The following EYA1 variants were observed in gnomAD, a reference collection of about 807,000 sequenced individuals.
EYA1 encodes protein phosphatase EYA1.
Under a neutral mutation model 82.0 loss-of-function variants are expected in EYA1, and 16 were observed. The ratio of observed to expected loss-of-function variants is 0.20; its 90% CI spans 0.13 to 0.30. The LOEUF (loss-of-function observed/expected upper bound fraction) is 0.30. Among genes scored for constraint, EYA1 ranks in the 10% least tolerant of loss-of-function variants. The pLI, the probability that EYA1 is intolerant of heterozygous loss-of-function variation, is 1.00. For missense variants in EYA1, 633 were observed against 730.7 expected, an observed-to-expected ratio of 0.87 and a Z score of 1.54; for synonymous variants, 261 against 264.4, an observed-to-expected ratio of 0.99 and a Z score of 0.12.
At chr8:71,223,569 G>T (rs1390480920) in intron 12 of EYA1, among the ~76,000 whole-genome samples, 2 of 152,216 alleles carry the variant, frequency 1.3e-5, no homozygotes, top group South Asian at 4.1e-4. Flanking sequence ...CAGTTCTGGT[G>T]TAGGTATAGG....
intron 11 of EYA1, among the ~76,000 whole-genome samples, chr8:71,262,675 T>A (rs1041770414): frequency 2.6e-5 from 4 of 152,196 alleles, no homozygotes; most frequent in Admixed American, 2.0e-4. Context: ...ACAGTAAGGC[T>A]GTGTTCCATT....
chr8:71,423,658 TTTAA>T (rs1586689091), intron 2 of EYA1, among the ~76,000 whole-genome samples: 1 of 152,246 alleles, frequency 6.6e-6, no homozygotes, highest in Non-Finnish European at 1.5e-5. Flanking sequence ...ACAAATGTTC[TTTAA>T]TTAATTTCAT....
At chr8:71,215,338 T>A in intron 16 of EYA1, 49 bp downstream of exon 16, 4 of 1,586,800 alleles carry the variant, frequency 2.5e-6, no homozygotes, top group Non-Finnish European at 3.5e-6. Context: ...GTTTTTATTA[T>A]CCTGAAGGAA....
At chr8:71,525,755 C>T (rs1351817070) in intron 2 of EYA1, among the ~76,000 whole-genome samples, 1 of 152,156 alleles carries the variant, frequency 6.6e-6, no homozygotes, top group Non-Finnish European at 1.5e-5. Flanking sequence ...AACCTCTGAG[C>T]TTGATCCTGG....
chr8:71,318,499 C>A (rs1461380682), intron 6 of EYA1, among the ~76,000 whole-genome samples: 1 of 152,104 alleles, frequency 6.6e-6, no homozygotes, highest in Non-Finnish European at 1.5e-5. Context: ...TCCCCAAACA[C>A]CAGGCTAACA....
At chr8:71,321,957 C>A (rs907036288) in intron 5 of EYA1, 78 bp from the exon 6 acceptor site, 10 of 1,567,648 alleles carry the variant, frequency 6.4e-6, no homozygotes, top group Non-Finnish European at 8.8e-6. Context: ...AACCACATCA[C>A]AAATTCCAGC....
chr8:71,500,510 ACT>A (rs1477140016), intron 2 of EYA1, among the ~76,000 whole-genome samples: 2 of 151,668 alleles, frequency 1.3e-5, no homozygotes, highest in African/African-American at 4.8e-5. Context: ...CCTCCTTTTG[ACT>A]CTCTATTTTC....
intron 2 of EYA1, among the ~76,000 whole-genome samples, chr8:71,491,115 T>C (rs1014405205): frequency 6.6e-6 from 1 of 152,148 alleles, no homozygotes; most frequent in African/African-American, 2.4e-5. Flanking sequence ...TTATAGAGAA[T>C]ATAAAGCACG....
At chr8:71,421,332 T>G (rs1230603057) in intron 2 of EYA1, among the ~76,000 whole-genome samples, 1 of 152,164 alleles carries the variant, frequency 6.6e-6, no homozygotes, top group Non-Finnish European at 1.5e-5. Context: ...GAAAGGACAC[T>G]GGACACTTCC....
intron 3 of EYA1, among the ~76,000 whole-genome samples, chr8:71,344,839 G>A (rs577419943): frequency 1.3e-5 from 2 of 152,294 alleles, no homozygotes; most frequent in Admixed American, 1.3e-4. Context: ...ATATCAATGT[G>A]GGAAAATGGC....
At chr8:71,199,741 CG>C (rs1563598316) in intron 17 of EYA1, among the ~76,000 whole-genome samples, 1 of 152,168 alleles carries the variant, frequency 6.6e-6, no homozygotes, top group African/African-American at 2.4e-5. Context: ...CAGCTGTTCA[CG>C]TATCCAGTGG....
intron 9 of EYA1, among the ~76,000 whole-genome samples, chr8:71,288,991 G>T: frequency 6.6e-6 from 1 of 152,256 alleles, no homozygotes; most frequent in Middle Eastern, 3.4e-3. Flanking sequence ...ACTTTAAAAC[G>T]AATAGCTTCC....
chr8:71,533,322 A>G (rs923839482), intron 2 of EYA1, among the ~76,000 whole-genome samples: 1 of 152,248 alleles, frequency 6.6e-6, no homozygotes, highest in Non-Finnish European at 1.5e-5. Context: ...CAGTGGTGGT[A>G]TGACGAGTAG....
chr8:71,214,928 A>AGAAGCAAGTTT (rs1808991547), intron 16 of EYA1, among the ~76,000 whole-genome samples: 1 of 152,220 alleles, frequency 6.6e-6, no homozygotes, highest in Non-Finnish European at 1.5e-5. Flanking sequence ...AAGCTTTTAA[A>AGAAGCAAGTTT]TCTCCACAAC....
intron 2 of EYA1, among the ~76,000 whole-genome samples, chr8:71,457,043 A>T (rs1333774438): frequency 5.9e-5 from 9 of 152,070 alleles, no homozygotes; most frequent in Admixed American, 5.2e-4. Flanking sequence ...GAATCTACAA[A>T]GAACTCAAAC....
At chr8:71,243,011 C>A (rs1812675765) in intron 12 of EYA1, among the ~76,000 whole-genome samples, 1 of 152,040 alleles carries the variant, frequency 6.6e-6, no homozygotes, top group Non-Finnish European at 1.5e-5. Context: ...CTCCCAACCT[C>A]AGGTGATCCA....
chr8:71,496,755 T>C (rs1811443649), intron 2 of EYA1, among the ~76,000 whole-genome samples: 1 of 152,178 alleles, frequency 6.6e-6, no homozygotes. Context: ...TCTTCTACCA[T>C]ATGCTCTTTT....
chr8:71,217,145 C>A, intron 12 of EYA1, 122 bp from the exon 13 acceptor site: 1 of 742,718 alleles, frequency 1.3e-6, no homozygotes, highest in South Asian at 1.6e-5. Flanking sequence ...TCAACTATGT[C>A]AATCAGTAGG....
At chr8:71,425,163 G>A (rs1831360031) in intron 2 of EYA1, among the ~76,000 whole-genome samples, 2 of 148,482 alleles carry the variant, frequency 1.3e-5, no homozygotes, top group South Asian at 4.3e-4. Flanking sequence ...GGCACCTGTA[G>A]TCCCAGCTAT....
Sources: gnomAD v4.1 joint callset for allele counts (sites outside exome capture counted in the v4.1 genomes callset) on GRCh38, gnomAD v4.1.1 for gene constraint, MANE v1.5 for transcripts, NCBI Gene and HGNC (gene_info 2026-07-23, HGNC 2026-07-21) for gene names.